GALNT13: variants seen among roughly 807,000 people sequenced by gnomAD.
The protein encoded by GALNT13 is polypeptide N-acetylgalactosaminyltransferase 13.
A neutral mutation model predicts 64.2 loss-of-function variants in GALNT13; 28 were observed. The observed-to-expected ratio is 0.44, with a 90% CI of 0.32 to 0.60. The LOEUF (loss-of-function observed/expected upper bound fraction) is 0.60. Among genes scored for constraint, GALNT13 ranks in the 20% least tolerant of loss-of-function variants. The probability of loss-of-function intolerance (pLI) is 0.05; values close to 1 mark genes in which losing one functional copy is unlikely to be tolerated. For synonymous variants in GALNT13, 214 were observed against 224.6 expected (o/e 0.95, Z 0.42); for missense variants, 577 against 669.8 (o/e 0.86, Z 1.53).
chr2:154,222,448 A>G (rs1176277836), intron 4 of GALNT13, among the ~76,000 whole-genome samples: 2 of 152,148 alleles, frequency 1.3e-5, no homozygotes, highest in Admixed American at 1.3e-4. Flanking sequence ...ACAGAAAATA[A>G]AACAAAGTAC....
chr2:154,105,123 C>G (rs890636651), intron 3 of GALNT13, among the ~76,000 whole-genome samples: 1 of 151,958 alleles, frequency 6.6e-6, no homozygotes, highest in Non-Finnish European at 1.5e-5. Context: ...TTCTTGCTAC[C>G]CTCCTTTTCT....
the GALNT13 span, among the ~76,000 whole-genome samples, chr2:153,394,519 C>T: frequency 2.6e-5 from 4 of 152,014 alleles, no homozygotes; most frequent in Non-Finnish European, 5.9e-5. Context: ...GCTAATTCAT[C>T]CTCACTTCCC....
the GALNT13 span, among the ~76,000 whole-genome samples, chr2:153,105,694 A>G: frequency 6.9e-3 from 1,053 of 152,270 alleles, 12 homozygotes; most frequent in African/African-American, 0.024. Context: ...AAATCAATGT[A>G]CAAAAATCAC....
In GALNT13 at chr2:154,265,573, C is replaced by T. The variant is rs1337452030; in HGVS notation, c.975+6435C>T. Among the ~76,000 whole-genome samples the T allele has an allele frequency of 6.6e-5, 10 of 152,210 alleles. No homozygotes were observed. In the South Asian group the frequency reaches 2.1e-3, roughly 32 times the overall value. Reference sequence around the variant, plus strand: ...AATTAACCGGGTGTGGTGGCGGGCACCTGTAATCCCAGCTACTTGGGAGGC... The same window carrying T: ...AATTAACCGGGTGTGGTGGCGGGCATCTGTAATCCCAGCTACTTGGGAGGC... On this transcript the variant is annotated intron_variant, in intron 8 of 12. Transcript: ENST00000392825.
the GALNT13 span, among the ~76,000 whole-genome samples, chr2:153,101,992 T>A: frequency 6.6e-6 from 1 of 152,280 alleles, no homozygotes; most frequent in Non-Finnish European, 1.5e-5. Context: ...ACATAAATGC[T>A]ATATAGACAT....
chr2:153,558,258 A>C, the GALNT13 span, among the ~76,000 whole-genome samples: 3 of 152,220 alleles, frequency 2.0e-5, no homozygotes, highest in African/African-American at 7.2e-5. Context: ...ACAGATACCT[A>C]ACAAGCATCT....
intron 4 of GALNT13, among the ~76,000 whole-genome samples, chr2:154,144,671 C>T (rs73005455): frequency 0.071 from 10,789 of 151,896 alleles, 601 homozygotes; most frequent in African/African-American, 0.15. Flanking sequence ...TTATGTTTGA[C>T]GCTAATATCA....
chr2:153,345,683 CTTTCTTTCTTTCTTTCTT>C, the GALNT13 span, among the ~76,000 whole-genome samples: 9 of 136,758 alleles, frequency 6.6e-5, no homozygotes, highest in African/African-American at 2.5e-4. Flanking sequence ...TTCTTTCTTT[CTTTCTTTCTTTCTTTCTT>C]TCTCTTTCTC....
At chr2:154,090,945 T>G (rs1159701761) in intron 3 of GALNT13, among the ~76,000 whole-genome samples, 1 of 151,698 alleles carries the variant, frequency 6.6e-6, no homozygotes, top group Non-Finnish European at 1.5e-5. Context: ...CTTAATTTGA[T>G]AAGCCAGACA....
rs1026571539 is a variant in GALNT13, at chr2:154,306,627, G to GC, written c.1156+5038_1156+5039insC. Among the ~76,000 whole-genome samples, 15 of 144,904 alleles carry GC rather than the reference G, an allele frequency of 1.0e-4. No individual in the cohort carries two copies. The Middle Eastern group carries it at 0.014, about 134-fold the overall frequency. On this transcript the variant is annotated intron_variant, in intron 9 of 12. Coordinates refer to ENST00000392825, the MANE Select transcript of GALNT13 (RefSeq NM_052917.4). ...TTTAAGGATAATTTGGTGGGGGGGG[G>GC]GTCAAGAAATGGGGAGTGCTGATTA...
At chr2:153,899,196 T>G (rs1688072760) in intron 1 of GALNT13, among the ~76,000 whole-genome samples, 1 of 152,174 alleles carries the variant, frequency 6.6e-6, no homozygotes, top group Non-Finnish European at 1.5e-5. Flanking sequence ...GGATGCAACC[T>G]AGAAACTAGC....
chr2:153,442,627 T>G, the GALNT13 span, among the ~76,000 whole-genome samples: 1 of 152,204 alleles, frequency 6.6e-6, no homozygotes. Context: ...CATTCAAGTC[T>G]GCTGAAGCTG....
chr2:153,496,341 A>G, the GALNT13 span, among the ~76,000 whole-genome samples: 1 of 152,188 alleles, frequency 6.6e-6, no homozygotes, highest in East Asian at 1.9e-4. Flanking sequence ...ATCTGGGAGC[A>G]TGGCTTGAAA....
intron 3 of GALNT13, among the ~76,000 whole-genome samples, chr2:154,033,308 A>G (rs1698457898): frequency 6.6e-6 from 1 of 152,060 alleles, no homozygotes; most frequent in African/African-American, 2.4e-5. Context: ...AAAAGAAAAT[A>G]TAAATATATT....
At chr2:154,080,841 G>T (rs1454064840) in intron 3 of GALNT13, among the ~76,000 whole-genome samples, 1 of 151,570 alleles carries the variant, frequency 6.6e-6, no homozygotes, top group East Asian at 1.9e-4. Context: ...AAATATTGTG[G>T]TTCCTTGGGT....
intron 1 of GALNT13, among the ~76,000 whole-genome samples, chr2:153,878,761 C>G (rs1378974019): frequency 6.6e-6 from 1 of 152,140 alleles, no homozygotes; most frequent in Non-Finnish European, 1.5e-5. Context: ...ACTTCTTTGC[C>G]TTGGCGAAAG....
At chr2:153,497,521 C>CTTTTTTT in the GALNT13 span, among the ~76,000 whole-genome samples, 1 of 54,756 alleles carries the variant, frequency 1.8e-5, no homozygotes, top group Non-Finnish European at 3.4e-5. Context: ...GTTTCTCCCG[C>CTTTTTTT]ATTTTTTTTT....
At chr2:154,226,655 T>TA (rs1382494901) in intron 4 of GALNT13, among the ~76,000 whole-genome samples, 1 of 152,140 alleles carries the variant, frequency 6.6e-6, no homozygotes, top group African/African-American at 2.4e-5. Flanking sequence ...TTTTAGTAGG[T>TA]AAAACAACAT....
At chr2:154,298,415 TA>T (rs1369345878) in intron 8 of GALNT13, among the ~76,000 whole-genome samples, 190 of 128,574 alleles carry the variant, frequency 1.5e-3, no homozygotes, top group Non-Finnish European at 1.9e-3. Flanking sequence ...AATTTATATA[TA>T]AATATATATG....
Sources: allele counts gnomAD v4.1 joint callset (sites outside exome capture counted in the v4.1 genomes callset), GRCh38; gene constraint gnomAD v4.1.1; transcripts MANE v1.5; gene names NCBI Gene and HGNC (gene_info 2026-07-23, HGNC 2026-07-21).